The following KCNJ3 variants were observed in gnomAD, a reference collection of about 807,000 sequenced individuals.
KCNJ3 encodes potassium inwardly rectifying channel subfamily J member 3.
A neutral mutation model predicts 39.2 loss-of-function variants in KCNJ3; 4 were observed. The ratio of observed to expected loss-of-function variants is 0.10; its 90% CI spans 0.05 to 0.23. The LOEUF (loss-of-function observed/expected upper bound fraction) is 0.23. Among genes scored for constraint, KCNJ3 ranks in the 10% least tolerant of loss-of-function variants. The pLI is 1.00. For missense variants in KCNJ3, 276 were observed against 634.9 expected, an observed-to-expected ratio of 0.43 and a Z score of 6.08; for synonymous variants, 230 against 237.4, an observed-to-expected ratio of 0.97 and a Z score of 0.29.
chr2:154,758,783 T>G lies in KCNJ3; in HGVS notation c.919+48964T>G, dbSNP rs535155904. ...TTGTTGACTTGAAAAAATTGTGACT[T>G]GAATCAAATGCTGATCTCCATACTG... On this transcript the variant is annotated intron_variant, in intron 2 of 2. Transcript: ENST00000295101. Among the ~76,000 whole-genome samples, 4 of 152,280 alleles carry G rather than the reference T, an allele frequency of 2.6e-5. No homozygotes were observed. The East Asian group carries it at 7.7e-4, about 29-fold the overall frequency.
intron 2 of KCNJ3, among the ~76,000 whole-genome samples, chr2:154,772,571 A>G (rs1686261058): frequency 6.6e-6 from 1 of 152,194 alleles, no homozygotes; most frequent in South Asian, 2.1e-4. Context: ...TGAAAGTACA[A>G]TGCTGCATGG....
At chr2:154,829,793 TAAC>T (rs1172693438) in intron 2 of KCNJ3, among the ~76,000 whole-genome samples, 1 of 151,478 alleles carries the variant, frequency 6.6e-6, no homozygotes, top group East Asian at 1.9e-4. Context: ...ATACTAATAA[TAAC>T]ATTCTTATTA....
chr2:154,704,969 C>T (rs551514703), intron 1 of KCNJ3, among the ~76,000 whole-genome samples: 166 of 152,294 alleles, frequency 1.1e-3, no homozygotes, highest in African/African-American at 3.8e-3. Context: ...TTGCTCTCTC[C>T]GTCTTAGCCT....
At chr2:154,833,282 A>C (rs1452982349) in intron 2 of KCNJ3, among the ~76,000 whole-genome samples, 2 of 152,212 alleles carry the variant, frequency 1.3e-5, no homozygotes, top group Non-Finnish European at 2.9e-5. Context: ...CCACTTACAA[A>C]CTGTGAGGCC....
intron 2 of KCNJ3, among the ~76,000 whole-genome samples, chr2:154,729,560 A>C (rs73019282): frequency 0.012 from 1,780 of 152,248 alleles, 28 homozygotes; most frequent in African/African-American, 0.041. Context: ...TGTTCTTGTT[A>C]AATAGCATTT....
At chr2:154,753,784 T>C (rs542073762) in intron 2 of KCNJ3, among the ~76,000 whole-genome samples, 1 of 152,292 alleles carries the variant, frequency 6.6e-6, no homozygotes, top group East Asian at 1.9e-4. Flanking sequence ...TACATTTGCT[T>C]CTGTTGTTTA....
chr2:154,702,704 A>G (rs1199869512), intron 1 of KCNJ3, among the ~76,000 whole-genome samples: 1 of 151,954 alleles, frequency 6.6e-6, no homozygotes, highest in Non-Finnish European at 1.5e-5. Context: ...ACTCATAAAA[A>G]GAGAAAGTAG....
chr2:154,757,602 G>T (rs1396057207), intron 2 of KCNJ3, among the ~76,000 whole-genome samples: 2 of 151,998 alleles, frequency 1.3e-5, no homozygotes, highest in Non-Finnish European at 2.9e-5. Context: ...TTGTAAATTT[G>T]TTTTCAATCT....
chr2:154,832,604 T>C (rs904423552), intron 2 of KCNJ3, among the ~76,000 whole-genome samples: 2 of 152,196 alleles, frequency 1.3e-5, no homozygotes, highest in African/African-American at 4.8e-5. Flanking sequence ...TAATATGTAT[T>C]GCTTGAGGGA....
chr2:154,766,748 G>A (rs1057065822), intron 2 of KCNJ3, among the ~76,000 whole-genome samples: 4 of 152,012 alleles, frequency 2.6e-5, no homozygotes, highest in African/African-American at 9.6e-5. Flanking sequence ...TAGAGATGGG[G>A]TTTCACCATA....
chr2:154,842,735 C>CTGTT (rs1687596207), intron 2 of KCNJ3, among the ~76,000 whole-genome samples: 1 of 152,084 alleles, frequency 6.6e-6, no homozygotes, highest in Admixed American at 6.5e-5. Flanking sequence ...GGTTTAAAGT[C>CTGTT]TGTTTTATCA....
chr2:154,730,169 A>G (rs1685427137), intron 2 of KCNJ3, among the ~76,000 whole-genome samples: 1 of 152,028 alleles, frequency 6.6e-6, no homozygotes, highest in Non-Finnish European at 1.5e-5. Context: ...AGACTTTGCC[A>G]TTTTATTCAG....
intron 2 of KCNJ3, among the ~76,000 whole-genome samples, chr2:154,806,361 T>C (rs1686911060): frequency 6.6e-6 from 1 of 152,170 alleles, no homozygotes. Flanking sequence ...AGCAGTGGGT[T>C]TGCTTCACAG....
In KCNJ3 at chr2:154,855,209, G is replaced by T. The variant is rs1480377213; in HGVS notation, c.1402G>T (p.Ala468Ser). ...MLSDPMSQSV[A>S]DLPPKLQKMA... Reference sequence around the variant, plus strand: ...ATCTGATCCCATGAGCCAGTCTGTGGCTGATTTGCCACCAAAGCTTCAAAA... The same window carrying T: ...ATCTGATCCCATGAGCCAGTCTGTGTCTGATTTGCCACCAAAGCTTCAAAA... Residue 468 changes from alanine (A) to serine (S), a missense_variant, in exon 3 of 3, where the codon GCT becomes TCT. Physicochemically the swap from Ala to Ser is moderately conservative, Grantham distance 99. Coordinates refer to ENST00000295101, the MANE Select transcript of KCNJ3 (RefSeq NM_002239.4). 38 of 1,613,664 alleles carry T rather than the reference G, an allele frequency of 2.4e-5. No individual in the cohort carries two copies. The highest frequency in any genetic ancestry group is 3.2e-5 in the Non-Finnish European group (38 of 1,179,926).
intron 2 of KCNJ3, among the ~76,000 whole-genome samples, chr2:154,710,938 C>T (rs949021227): frequency 1.3e-5 from 2 of 152,080 alleles, no homozygotes; most frequent in Non-Finnish European, 2.9e-5. Context: ...CGCAAGATAT[C>T]TACTCTCTTA....
chr2:154,846,305 A>AATT (rs1553462558), intron 2 of KCNJ3, among the ~76,000 whole-genome samples: 1 of 152,210 alleles, frequency 6.6e-6, no homozygotes, highest in African/African-American at 2.4e-5. Context: ...GTTTCTGAGA[A>AATT]ATTAAATGAT....
intron 2 of KCNJ3, among the ~76,000 whole-genome samples, chr2:154,727,610 AG>A (rs1415443693): frequency 2.3e-4 from 34 of 149,580 alleles, no homozygotes; most frequent in African/African-American, 7.1e-4. Flanking sequence ...AAAAAAAAAA[AG>A]AGAGAAAAAG....
At chr2:154,772,079 C>T (rs922679535) in intron 2 of KCNJ3, among the ~76,000 whole-genome samples, 2 of 152,062 alleles carry the variant, frequency 1.3e-5, no homozygotes, top group Non-Finnish European at 2.9e-5. Context: ...GATCTGTTGT[C>T]AAGATGCTAA....
chr2:154,835,716 A>G (rs1309681818), intron 2 of KCNJ3, among the ~76,000 whole-genome samples: 1 of 151,862 alleles, frequency 6.6e-6, no homozygotes, highest in Non-Finnish European at 1.5e-5. Flanking sequence ...CCTTGTTTAG[A>G]CGTTAGCTAT....
Sources: allele counts gnomAD v4.1 joint callset (sites outside exome capture counted in the v4.1 genomes callset), GRCh38; gene constraint gnomAD v4.1.1; transcripts MANE v1.5; gene names NCBI Gene and HGNC (gene_info 2026-07-23, HGNC 2026-07-21).